The following PDE5A variants were observed in gnomAD, a reference collection of about 807,000 sequenced individuals.
PDE5A encodes the protein phosphodiesterase 5A.
In PDE5A, 67 loss-of-function variants were observed where a neutral mutation model predicts 110.2. That is an observed-to-expected ratio of 0.61 (90% CI 0.50 to 0.75). PDE5A has a LOEUF of 0.75. PDE5A is among the 30% of genes least tolerant of loss of function. The probability of loss-of-function intolerance (pLI) is 0.00; values close to 1 mark genes in which losing one functional copy is unlikely to be tolerated. For missense variants in PDE5A, 862 were observed against 1,045.1 expected (o/e 0.82, Z 2.42); for synonymous variants, 328 against 351.2 (o/e 0.93, Z 0.74).
intron 6 of PDE5A, among the ~76,000 whole-genome samples, chr4:119,561,677 A>G (rs1727750903): frequency 6.6e-6 from 1 of 152,254 alleles, no homozygotes; most frequent in Non-Finnish European, 1.5e-5. Context: ...CATGGCTACT[A>G]TATTAAAATC....
chr4:119,617,650 A>C (rs1280705224), intron 1 of PDE5A, among the ~76,000 whole-genome samples: 1 of 152,186 alleles, frequency 6.6e-6, no homozygotes, highest in Admixed American at 6.5e-5. Flanking sequence ...TAAACATAAT[A>C]ACCCTCACGA....
intron 1 of PDE5A, 105 bp downstream of exon 1, chr4:119,628,415 G>A (rs1730440276): frequency 1.1e-6 from 1 of 894,660 alleles, no homozygotes; most frequent in African/African-American, 1.7e-5. Context: ...ACAGGACCGA[G>A]GACCTACTTC....
chr4:119,500,861 TAAAA>T (rs35960124), intron 20 of PDE5A: 2,477 of 201,652 alleles, frequency 0.012, 63 homozygotes, highest in African/African-American at 0.053. Flanking sequence ...AATTTAGACT[TAAAA>T]AAAGAATATG....
chr4:119,557,294 G>T (rs1221238635), intron 7 of PDE5A, among the ~76,000 whole-genome samples: 1 of 152,124 alleles, frequency 6.6e-6, no homozygotes, highest in Non-Finnish European at 1.5e-5. Flanking sequence ...TTAACTCTGG[G>T]TCAGACTTTC....
chr4:119,622,688 A>G (rs941988838), intron 1 of PDE5A, among the ~76,000 whole-genome samples: 4 of 152,010 alleles, frequency 2.6e-5, no homozygotes, highest in African/African-American at 4.8e-5. Flanking sequence ...CCTGGCTAAC[A>G]TGGTGAAACC....
At chr4:119,542,335 T>C in intron 10 of PDE5A, 124 bp downstream of exon 10, 1 of 784,100 alleles carries the variant, frequency 1.3e-6, no homozygotes, top group East Asian at 2.5e-5. Flanking sequence ...TCTCATCATC[T>C]AAATCACATA....
At chr4:119,556,225 A>T (rs1435541271) in intron 7 of PDE5A, among the ~76,000 whole-genome samples, 1 of 152,216 alleles carries the variant, frequency 6.6e-6, no homozygotes, top group Non-Finnish European at 1.5e-5. Flanking sequence ...CTAGTGGCTT[A>T]GTATTGCCAT....
chr4:119,618,245 T>C (rs1249456298), intron 1 of PDE5A, among the ~76,000 whole-genome samples: 1 of 152,196 alleles, frequency 6.6e-6, no homozygotes, highest in African/African-American at 2.4e-5. Context: ...TGATAGTTAT[T>C]GTTTTTAAGT....
chr4:119,521,352 AG>A (rs996248493), intron 12 of PDE5A, among the ~76,000 whole-genome samples: 4 of 151,136 alleles, frequency 2.6e-5, no homozygotes, highest in Non-Finnish European at 5.9e-5. Context: ...TATTTTTGGC[AG>A]GGTAGGGCAC....
At chr4:119,598,176 C>T (rs548867750) in intron 2 of PDE5A, among the ~76,000 whole-genome samples, 1 of 152,200 alleles carries the variant, frequency 6.6e-6, no homozygotes, top group South Asian at 2.1e-4. Flanking sequence ...AATTATGAGA[C>T]AATTTATAAA....
chr4:119,595,963 CT>C (rs925205701), intron 3 of PDE5A, among the ~76,000 whole-genome samples: 1 of 152,104 alleles, frequency 6.6e-6, no homozygotes, highest in African/African-American at 2.4e-5. Flanking sequence ...TTTATTAACT[CT>C]TTTTTCCAAA....
intron 2 of PDE5A, among the ~76,000 whole-genome samples, chr4:119,601,452 C>T (rs181325825): frequency 1.0e-3 from 154 of 152,170 alleles, no homozygotes; most frequent in Non-Finnish European, 1.7e-3. Context: ...CCCCACCCCC[C>T]GCCACCTCCC....
chr4:119,628,141 C>A, intron 1 of PDE5A: 2 of 551,356 alleles, frequency 3.6e-6, no homozygotes, highest in Non-Finnish European at 4.6e-6. Flanking sequence ...GCTTCCGGAG[C>A]TGCAGGGAAG....
At chr4:119,600,475 C>CA (rs904455823) in intron 2 of PDE5A, among the ~76,000 whole-genome samples, 18 of 152,118 alleles carry the variant, frequency 1.2e-4, no homozygotes, top group African/African-American at 3.9e-4. Flanking sequence ...CCATTCCCCC[C>CA]ACTAAAAGAA....
intron 1 of PDE5A, among the ~76,000 whole-genome samples, chr4:119,620,025 G>A (rs182406622): frequency 1.6e-4 from 25 of 152,264 alleles, no homozygotes; most frequent in Admixed American, 1.4e-3. Context: ...ATGGATGGGG[G>A]TGGCCCTGGC....
intron 7 of PDE5A, among the ~76,000 whole-genome samples, chr4:119,559,819 C>T (rs1727682107): frequency 6.6e-6 from 1 of 152,090 alleles, no homozygotes; most frequent in Non-Finnish European, 1.5e-5. Flanking sequence ...TCAATTATGA[C>T]CATGTGAACC....
intron 18 of PDE5A, among the ~76,000 whole-genome samples, chr4:119,503,004 CTTCTA>C (rs1725416730): frequency 6.6e-6 from 1 of 152,174 alleles, no homozygotes; most frequent in Non-Finnish European, 1.5e-5. Context: ...ATTCTTCCCT[CTTCTA>C]TTCTCTTACC....
intron 2 of PDE5A, among the ~76,000 whole-genome samples, chr4:119,602,758 A>G (rs562171470): frequency 3.9e-5 from 6 of 152,368 alleles, no homozygotes; most frequent in African/African-American, 1.4e-4. Context: ...AAAGAAGGTG[A>G]AAATTTGTTT....
chr4:119,588,216 C>A (rs1728835329), intron 3 of PDE5A, among the ~76,000 whole-genome samples: 1 of 149,970 alleles, frequency 6.7e-6, no homozygotes, highest in Admixed American at 6.6e-5. Flanking sequence ...ACTCTGTCAC[C>A]CAGGCTGGAG....
Sources: allele counts gnomAD v4.1 joint callset (sites outside exome capture counted in the v4.1 genomes callset), GRCh38; gene constraint gnomAD v4.1.1; transcripts MANE v1.5; gene names NCBI Gene and HGNC (gene_info 2026-07-23, HGNC 2026-07-21).